The following ZDHHC2 variants were observed in gnomAD, a reference collection of about 807,000 sequenced individuals.
The protein encoded by ZDHHC2 is palmitoyltransferase ZDHHC2.
ZDHHC2 carries 51 observed loss-of-function variants against 55.6 expected under a neutral mutation model. The ratio of observed to expected loss-of-function variants is 0.92; its 90% CI spans 0.73 to 1.16. ZDHHC2 has a LOEUF of 1.16. Among genes scored for constraint, ZDHHC2 ranks in the 50% most tolerant of loss-of-function variants. ZDHHC2 has a pLI of 0.00. For synonymous variants in ZDHHC2, 199 were observed against 152.9 expected (o/e 1.30, Z -2.22); for missense variants, 491 against 442.4 (o/e 1.11, Z -0.99).
intron 1 of ZDHHC2, among the ~76,000 whole-genome samples, chr8:17,162,622 A>T (rs1009332633): frequency 6.6e-6 from 1 of 152,204 alleles, no homozygotes; most frequent in Non-Finnish European, 1.5e-5. Context: ...CGCCACAGAA[A>T]TGATTTACAA....
chr8:17,201,479 CTCTTTTTTTTTTTTTT>C (rs1806761372), intron 6 of ZDHHC2, among the ~76,000 whole-genome samples: 3 of 88,194 alleles, frequency 3.4e-5, no homozygotes, highest in South Asian at 3.9e-4. Flanking sequence ...CTCTCTCTCT[CTCTTTTTTTTTTTTTT>C]TTTTTTTTTT....
chr8:17,202,254 G>C (rs908323379), intron 6 of ZDHHC2, among the ~76,000 whole-genome samples: 1 of 152,066 alleles, frequency 6.6e-6, no homozygotes, highest in Admixed American at 6.6e-5. Context: ...TTTTTGAGAC[G>C]GAGTTGCCTA....
In ZDHHC2 at chr8:17,156,649, C is replaced by A; in HGVS notation, c.-75C>A. Reference sequence around the variant, plus strand: ...CCAGGAGCCCGTCCAGCCAGGGGTGCCGGGCCCGCCCAGCCCGCCCCGGAG... The same window carrying A: ...CCAGGAGCCCGTCCAGCCAGGGGTGACGGGCCCGCCCAGCCCGCCCCGGAG... On this transcript the variant is annotated 5_prime_UTR_variant, in exon 1 of 13. Coordinates refer to ENST00000262096, the MANE Select transcript of ZDHHC2 (RefSeq NM_016353.5). The A allele has an allele frequency of 2.7e-6, 3 of 1,124,340 alleles. No individual in the cohort carries two copies. The highest frequency in any genetic ancestry group is 8.1e-5 in the South Asian group (2 of 24,592). 69.6% of individuals were successfully genotyped at this position (1,124,340 alleles called of 1,614,324 possible).
At chr8:17,203,817 T>TC (rs1806947041) in intron 6 of ZDHHC2, among the ~76,000 whole-genome samples, 1 of 150,536 alleles carries the variant, frequency 6.6e-6, no homozygotes, top group Non-Finnish European at 1.5e-5. Flanking sequence ...TTCTTTTTTT[T>TC]TTTTTTTTTG....
chr8:17,187,372 T>A (rs1229707122), intron 3 of ZDHHC2, among the ~76,000 whole-genome samples: 1 of 152,180 alleles, frequency 6.6e-6, no homozygotes, highest in Admixed American at 6.5e-5. Context: ...AAATATACTT[T>A]GCTAACTCTA....
chr8:17,178,880 CTT>C (rs1396846273), intron 1 of ZDHHC2, among the ~76,000 whole-genome samples: 1 of 152,218 alleles, frequency 6.6e-6, no homozygotes, highest in East Asian at 1.9e-4. Flanking sequence ...AACTGTCACT[CTT>C]ATCAGTCTTA....
rs1554466016 is a variant in ZDHHC2, at chr8:17,199,509, T to TTCGTCTTCG, written c.476+1098_476+1099insGTCTTCGTC. 2.4e-3 allele frequency among the ~76,000 whole-genome samples: 294 copies of TTCGTCTTCG among 121,044 alleles called. 7 individuals carry two copies. Among genetic ancestry groups the TTCGTCTTCG allele is most frequent in the Middle Eastern group, 8.3e-3 (2 of 240 alleles). The allele number at this position is 121,044 out of a possible 152,430, so 79.4% of individuals were successfully genotyped here. On this transcript the variant is annotated intron_variant, in intron 6 of 12. Transcript: ENST00000262096. ...CTTCTTCTTCTTCTTCTTCTTCTTC[T>TTCGTCTTCG]TCTTCGTCTTCGTCTTCGTCTTCTG...
chr8:17,181,399 G>C (rs926129580), intron 1 of ZDHHC2, among the ~76,000 whole-genome samples: 1 of 152,162 alleles, frequency 6.6e-6, no homozygotes, highest in Non-Finnish European at 1.5e-5. Flanking sequence ...AATTTCTAAG[G>C]TAGAATTAAT....
intron 8 of ZDHHC2, among the ~76,000 whole-genome samples, chr8:17,208,927 C>G (rs1049652088): frequency 2.0e-5 from 3 of 152,076 alleles, no homozygotes; most frequent in Non-Finnish European, 4.4e-5. Context: ...AGCTATGTAT[C>G]CTAGGATGAA....
intron 1 of ZDHHC2, among the ~76,000 whole-genome samples, chr8:17,178,591 A>G (rs117702704): frequency 2.0e-5 from 3 of 152,216 alleles, no homozygotes; most frequent in Non-Finnish European, 4.4e-5. Context: ...GGATGCATAC[A>G]TGTTTCAATA....
At position 17,223,956 on chromosome 8, in the gene ZDHHC2, GTGAATCAACTATGAA is replaced by G. The variant is rs1808021777; in HGVS notation, c.*3737_*3751del. The G allele has an allele frequency of 6.6e-6, 1 of 151,652 alleles. No homozygotes were observed. Among genetic ancestry groups the G allele is most frequent in the South Asian group, 2.1e-4 (1 of 4,824 alleles). 9.4% of individuals were successfully genotyped at this position (151,652 alleles called of 1,614,324 possible). A position where few individuals can be genotyped will look rare whatever the true frequency, so the allele number is the denominator to read the frequency against. ...GTAGGCTTGTTTCAAAGAGACTCCT[GTGAATCAACTATGAA>G]TATGAAGTATCTCCCAGAACAATGT... On this transcript the variant is annotated 3_prime_UTR_variant, in exon 13 of 13. Transcript: ENST00000262096.
At chr8:17,192,234 C>A (rs535283794) in intron 3 of ZDHHC2, among the ~76,000 whole-genome samples, 3 of 152,338 alleles carry the variant, frequency 2.0e-5, no homozygotes, top group East Asian at 1.9e-4. Flanking sequence ...GGTCCTCCCG[C>A]TTTGGCCTCC....
chr8:17,157,003 A>C lies in ZDHHC2; in HGVS notation c.130+150A>C, dbSNP rs186411283. 2,310 of 716,990 alleles carry C rather than the reference A, an allele frequency of 3.2e-3. 38 individuals are homozygous for C. The African/African-American group carries it at 0.04, about 13-fold the overall frequency. The allele number at this position is 716,990 out of a possible 1,614,324, so 44.4% of individuals were successfully genotyped here. ...TCCCGCCGGCTCCGCCGCTAAAAGC[A>C]GCCTCGGGGCAGCTTCTTCCACGCG... On this transcript the variant is annotated intron_variant, in intron 1 of 12. Transcript: ENST00000262096.
At chr8:17,173,821 A>G (rs924849588) in intron 1 of ZDHHC2, among the ~76,000 whole-genome samples, 2 of 152,220 alleles carry the variant, frequency 1.3e-5, no homozygotes, top group East Asian at 3.8e-4. Context: ...CAAAATTCTT[A>G]GGTGAAAGTC....
Position 17,182,761 on chromosome 8 carries a change from T to C in ZDHHC2, c.131-2028T>C, listed in dbSNP as rs181957237. On this transcript the variant is annotated intron_variant, in intron 1 of 12. Transcript: ENST00000262096. ...TAGCAACTCGTACCAACTACACCTT[T>C]TTTTTTGTTGTTGTTTTTGAGACAG... Among the ~76,000 whole-genome samples, 24 of 152,292 alleles carry C rather than the reference T, an allele frequency of 1.6e-4. No individual in the cohort carries two copies. The East Asian group carries it at 4.4e-3, about 28-fold the overall frequency.
intron 1 of ZDHHC2, among the ~76,000 whole-genome samples, chr8:17,159,540 T>A (rs1804226843): frequency 6.6e-6 from 1 of 152,232 alleles, no homozygotes; most frequent in Non-Finnish European, 1.5e-5. Flanking sequence ...GAGATAATGA[T>A]TCTCATTACA....
intron 7 of ZDHHC2, 83 bp downstream of exon 7, chr8:17,205,858 C>T: frequency 7.4e-7 from 1 of 1,359,304 alleles, no homozygotes; most frequent in East Asian, 2.5e-5. Flanking sequence ...ATTTCCGACA[C>T]TGACTTTATA....
chr8:17,206,606 C>T (rs1287805706), intron 7 of ZDHHC2, among the ~76,000 whole-genome samples: 1 of 151,996 alleles, frequency 6.6e-6, no homozygotes. Context: ...AACTATCATG[C>T]CTATAATGTC....
intron 6 of ZDHHC2, among the ~76,000 whole-genome samples, chr8:17,199,762 CTT>C (rs36175869): frequency 9.3e-5 from 12 of 128,994 alleles, no homozygotes; most frequent in Admixed American, 1.6e-4. Flanking sequence ...CTTTCTTCTT[CTT>C]TTTTTTTTTT....
Sources: allele counts gnomAD v4.1 joint callset (sites outside exome capture counted in the v4.1 genomes callset), GRCh38; gene constraint gnomAD v4.1.1; transcripts MANE v1.5; gene names NCBI Gene and HGNC (gene_info 2026-07-23, HGNC 2026-07-21).